SHISA6: variants seen among roughly 807,000 people sequenced by gnomAD.
The protein encoded by SHISA6 is protein shisa-6.
Under a neutral mutation model 47.9 loss-of-function variants are expected in SHISA6, and 22 were observed. The observed-to-expected ratio is 0.46, with a 90% CI of 0.33 to 0.66. The LOEUF is 0.66. Among genes scored for constraint, SHISA6 ranks in the 30% least tolerant of loss-of-function variants. The pLI, the probability that SHISA6 is intolerant of heterozygous loss-of-function variation, is 0.02. For missense variants in SHISA6, 680 were observed against 764.6 expected, an observed-to-expected ratio of 0.89 and a Z score of 1.30; for synonymous variants, 388 against 337.8, an observed-to-expected ratio of 1.15 and a Z score of -1.63.
intron 3 of SHISA6, among the ~76,000 whole-genome samples, chr17:11,412,371 A>T (rs751669462): frequency 6.6e-6 from 1 of 152,112 alleles, no homozygotes; most frequent in Admixed American, 6.5e-5. Flanking sequence ...TCTGGAGTAA[A>T]GATATGGAAG....
chr17:11,267,846 C>T (rs1302713698), intron 2 of SHISA6, among the ~76,000 whole-genome samples: 1 of 152,078 alleles, frequency 6.6e-6, no homozygotes, highest in Non-Finnish European at 1.5e-5. Flanking sequence ...AAGGAGACCC[C>T]TGGGCAAAAG....
chr17:11,284,765 A>G (rs898155184), intron 2 of SHISA6, among the ~76,000 whole-genome samples: 3 of 152,130 alleles, frequency 2.0e-5, no homozygotes, highest in Admixed American at 2.0e-4. Context: ...AGCACTTTAT[A>G]TTTTCACTGG....
At chr17:11,491,561 C>T (rs1025851215) in intron 3 of SHISA6, among the ~76,000 whole-genome samples, 1 of 152,018 alleles carries the variant, frequency 6.6e-6, no homozygotes, top group African/African-American at 2.4e-5. Flanking sequence ...ACCTCAGCCA[C>T]CCAAGCATCT....
chr17:11,253,555 G>A lies in SHISA6; in HGVS notation c.639-9811G>A, dbSNP rs189780426. Among the ~76,000 whole-genome samples, 226 of 152,034 alleles carry A rather than the reference G, an allele frequency of 1.5e-3. 5 individuals are homozygous for A. In the South Asian group the frequency reaches 0.035, roughly 24 times the overall value. On this transcript the variant is annotated intron_variant, in intron 1 of 5. Transcript: ENST00000441885. The stretch of plus-strand genomic sequence containing the variant: ...GAGTTTGAAATCCTGCATTGGCCCG[G>A]GAAGCAGTAAAAATGCATTTCCTTT...
chr17:11,327,265 A>G (rs1029541336), intron 2 of SHISA6, among the ~76,000 whole-genome samples: 7 of 152,148 alleles, frequency 4.6e-5, no homozygotes, highest in African/African-American at 1.7e-4. Context: ...GAAAAACCTG[A>G]CTTCTGAGTT....
In SHISA6 at chr17:11,559,721, G is replaced by A. The variant is rs78044219; in HGVS notation, c.*1417G>A. ...CTTTGTGCAGGCACTGGGGTACCTGGTAGACCATGGTCCTCAGCTCTGTTG... is the reference window on the plus strand; with the variant it reads ...CTTTGTGCAGGCACTGGGGTACCTGATAGACCATGGTCCTCAGCTCTGTTG... On this transcript the variant is annotated 3_prime_UTR_variant, in exon 6 of 6. Coordinates refer to ENST00000441885, the MANE Select transcript of SHISA6 (RefSeq NM_207386.4). This position sits in a 1 kb window ranked among gnomAD's most constrained non-coding sequence, Gnocchi z 4.4. 0.06 allele frequency: 9,219 copies of A among 152,384 alleles called. 373 individuals carry two copies. Among genetic ancestry groups the A allele is most frequent in the Middle Eastern group, 0.092 (27 of 294 alleles). The allele number at this position is 152,384 out of a possible 1,614,324, so 9.4% of individuals were successfully genotyped here.
intron 1 of SHISA6, among the ~76,000 whole-genome samples, chr17:11,248,817 C>T (rs956072226): frequency 2.0e-5 from 3 of 152,042 alleles, no homozygotes; most frequent in African/African-American, 7.2e-5. Flanking sequence ...AAAAAGTCAC[C>T]GAATGAAACT....
chr17:11,290,752 C>A (rs1909502939), intron 2 of SHISA6: 1 of 151,984 alleles, frequency 6.6e-6, no homozygotes, highest in Admixed American at 6.6e-5. Flanking sequence ...TATTTTCTTG[C>A]ATTATGCCAT....
At chr17:11,348,739 T>C (rs1160219806) in intron 2 of SHISA6, among the ~76,000 whole-genome samples, 2 of 152,172 alleles carry the variant, frequency 1.3e-5, no homozygotes, top group Non-Finnish European at 2.9e-5. Flanking sequence ...TTTAACAGTC[T>C]ACCCAATCTG....
intron 2 of SHISA6, among the ~76,000 whole-genome samples, chr17:11,348,273 G>A (rs185388128): frequency 2.6e-5 from 4 of 152,150 alleles, no homozygotes; most frequent in Non-Finnish European, 5.9e-5. Context: ...ATTTGTTTAT[G>A]TAAACAGGGA....
At chr17:11,270,177 T>C (rs1285967635) in intron 2 of SHISA6, among the ~76,000 whole-genome samples, 2 of 152,188 alleles carry the variant, frequency 1.3e-5, no homozygotes, top group Non-Finnish European at 2.9e-5. Flanking sequence ...GGTTTCACCA[T>C]GTTGGTCAGG....
chr17:11,309,256 C>A (rs79951016), intron 2 of SHISA6, among the ~76,000 whole-genome samples: 1 of 152,232 alleles, frequency 6.6e-6, no homozygotes, highest in African/African-American at 2.4e-5. Context: ...CAAGCCAACA[C>A]GCCCCACTCC....
At chr17:11,427,893 G>A (rs963333007) in intron 3 of SHISA6, among the ~76,000 whole-genome samples, 3 of 152,160 alleles carry the variant, frequency 2.0e-5, no homozygotes. Context: ...ACTGAATTGT[G>A]ACCATTCTTG....
chr17:11,506,694 T>C lies in SHISA6; in HGVS notation c.896-45202T>C, dbSNP rs900523823. Among the ~76,000 whole-genome samples, 179 of 152,332 alleles carry C rather than the reference T, an allele frequency of 1.2e-3. 7 individuals carry two copies. The highest frequency in any genetic ancestry group is 0.011 in the Admixed American group (172 of 15,310). ...GGGAGCTTCTGGACTGGTTACTACC[T>C]GAAAAAGCAGTGATTCCATGCCACA... On this transcript the variant is annotated intron_variant, in intron 3 of 5. Transcript: ENST00000441885.
chr17:11,522,574 A>G (rs1271341007), intron 3 of SHISA6, among the ~76,000 whole-genome samples: 1 of 152,144 alleles, frequency 6.6e-6, no homozygotes, highest in Non-Finnish European at 1.5e-5. Flanking sequence ...GTGTGCTTTG[A>G]TATTTATTTA....
chr17:11,344,002 T>A (rs1911617988), intron 2 of SHISA6, among the ~76,000 whole-genome samples: 1 of 152,188 alleles, frequency 6.6e-6, no homozygotes, highest in Non-Finnish European at 1.5e-5. Context: ...CATCTGTCTT[T>A]TTTTATTATA....
chr17:11,270,770 G>A (rs140016320), intron 2 of SHISA6, among the ~76,000 whole-genome samples: 73 of 152,304 alleles, frequency 4.8e-4, no homozygotes, highest in Middle Eastern at 6.8e-3. Flanking sequence ...GAAAGTCCCA[G>A]CCATCTTCCA....
intron 2 of SHISA6, among the ~76,000 whole-genome samples, chr17:11,280,323 T>C (rs1269526068): frequency 1.3e-5 from 2 of 152,182 alleles, no homozygotes; most frequent in Non-Finnish European, 2.9e-5. Flanking sequence ...GTAAACAAGA[T>C]GTATATGCAT....
At chr17:11,414,324 C>T (rs1914218964) in intron 3 of SHISA6, among the ~76,000 whole-genome samples, 1 of 152,128 alleles carries the variant, frequency 6.6e-6, no homozygotes, top group East Asian at 1.9e-4. Flanking sequence ...GGATGGATAT[C>T]CCTACCAGAC....
Sources: gnomAD v4.1 joint callset for allele counts (sites outside exome capture counted in the v4.1 genomes callset) on GRCh38, gnomAD v4.1.1 for gene constraint, Gnocchi (gnomAD v3.1) non-coding constraint, MANE v1.5 for transcripts, NCBI Gene and HGNC (gene_info 2026-07-23, HGNC 2026-07-21) for gene names.